Variants in SP110 observed in about 807,000 individuals in gnomAD.
The protein encoded by SP110 is interferon-induced protein 41, 30kD.
In SP110, 62 loss-of-function variants were observed where a neutral mutation model predicts 92.7. The ratio of observed to expected loss-of-function variants is 0.67; its 90% CI spans 0.55 to 0.83. SP110 has a LOEUF of 0.83. Ranked by LOEUF, SP110 falls within the 40% of genes least tolerant of loss-of-function variation. The pLI, the probability that SP110 is intolerant of heterozygous loss-of-function variation, is 0.00. For synonymous variants in SP110, 273 were observed against 305.3 expected (o/e 0.89, Z 1.10); for missense variants, 793 against 863.9 (o/e 0.92, Z 1.03).
At chr2:230,209,840 T>C (rs2044274983) in intron 7 of SP110, 91 bp downstream of exon 7, 2 of 812,002 alleles carry the variant, frequency 2.5e-6, no homozygotes, top group Non-Finnish European at 4.4e-6. Context: ...TGTGGTCACA[T>C]AGTGGTGCTC....
rs868703292 is a variant in SP110 at position 230,213,085 on chromosome 2, A to G, written c.317-58T>C. The G allele has an allele frequency of 4.4e-6, 7 of 1,575,348 alleles. No individual in the cohort carries two copies. In the Middle Eastern group the frequency reaches 1.2e-3, roughly 271 times the overall value. ...CTGGAGACTCAGAATTACTTGGGGA[A>G]GGGGATTTCTTAATACATGCCTTCC... On this transcript the variant is annotated intron_variant, in intron 3 of 18. Transcript: ENST00000258381.
intron 3 of SP110, 135 bp from the exon 4 acceptor site, chr2:230,213,162 A>T: frequency 1.2e-6 from 1 of 820,168 alleles, no homozygotes; most frequent in Admixed American, 2.0e-5. Flanking sequence ...CAGAGAACTG[A>T]TTCATTGTCA....
rs201656838 is a variant in SP110, at chr2:230,170,734, C to G, written c.1915G>C (p.Glu639Gln). 27 of 1,614,134 alleles carry G rather than the reference C, an allele frequency of 1.7e-5. No individual in the cohort carries two copies. The highest frequency in any genetic ancestry group is 2.2e-5 in the Non-Finnish European group (26 of 1,180,028). The change falls in exon 18 of 19, where the codon GAA (glutamate) becomes CAA (glutamine). Residue 639 changes from glutamate (E) to glutamine (Q), a missense_variant. By Grantham distance (29) the Glu-to-Gln change is conservative (BLOSUM62 2). Coordinates refer to ENST00000258381, the MANE Select transcript of SP110 (RefSeq NM_080424.4). ...TTAACCAGGTCCAACCACATTGCTT[C>G]CTGAAAGGGCTCACCGTAATCTCGA... Reference protein sequence around the residue: ...NIRDYGEPFQEAMWLDLVKER... With the variant: ...NIRDYGEPFQQAMWLDLVKER...
In SP110 at chr2:230,211,413, C is replaced by T; in HGVS notation, c.751+57G>A. 1 of 1,109,038 alleles carries T rather than the reference C, an allele frequency of 9.0e-7. No individual in the cohort carries two copies. Among genetic ancestry groups the T allele is most frequent in the Non-Finnish European group, 1.4e-6 (1 of 719,078 alleles). 68.7% of individuals were successfully genotyped at this position (1,109,038 alleles called of 1,614,324 possible). A position where few individuals can be genotyped will look rare whatever the true frequency, so the allele number is the denominator to read the frequency against. On this transcript the variant is annotated intron_variant, in intron 6 of 18. Transcript: ENST00000258381. The surrounding 1 kb of genome is among the most constrained non-coding windows in gnomAD (Gnocchi z 4.2). Reference sequence around the variant, plus strand: ...TCTCTAGAAGATCCGAATGGCTTTTCCTCTTAGTAAACACAGAAACAAAGG... The same window carrying T: ...TCTCTAGAAGATCCGAATGGCTTTTTCTCTTAGTAAACACAGAAACAAAGG...
chr2:230,180,089 G>A (rs985812009), intron 12 of SP110, among the ~76,000 whole-genome samples: 13 of 152,276 alleles, frequency 8.5e-5, no homozygotes, highest in Admixed American at 3.3e-4. Context: ...ACGGCAGCTG[G>A]CTTGTTTGAA....
At chr2:230,179,176 C>G (rs184551018) in intron 12 of SP110, among the ~76,000 whole-genome samples, 174 of 152,284 alleles carry the variant, frequency 1.1e-3, no homozygotes, top group African/African-American at 3.7e-3. Flanking sequence ...GGCGAAGAAG[C>G]CATTCATTTC....
At chr2:230,198,227 G>A (rs1226321598) in intron 10 of SP110, among the ~76,000 whole-genome samples, 2 of 152,206 alleles carry the variant, frequency 1.3e-5, no homozygotes, top group African/African-American at 2.4e-5. Context: ...CCACAGGCGG[G>A]AAAAGAATGT....
At chr2:230,187,335 CT>C (rs1483987627) in intron 10 of SP110, among the ~76,000 whole-genome samples, 1 of 151,988 alleles carries the variant, frequency 6.6e-6, no homozygotes, top group African/African-American at 2.4e-5. Context: ...CATTTGCCCA[CT>C]TTTTGTGGGA....
In SP110 at chr2:230,168,714, TG is replaced by T. The variant is rs2078352486; in HGVS notation, c.*409del. On this transcript the variant is annotated 3_prime_UTR_variant, in exon 19 of 19. Coordinates refer to ENST00000258381, the MANE Select transcript of SP110 (RefSeq NM_080424.4). The stretch of plus-strand genomic sequence containing the variant: ...CCAGAAAATTCCAGATTGCAAAAAA[TG>T]TAATAGGACCAAAACCCTGAGTTCT... 6.1e-6 allele frequency: 1 copy of T among 163,132 alleles called. No individual in the cohort carries two copies. Among genetic ancestry groups the T allele is most frequent in the African/African-American group, 2.4e-5 (1 of 41,392 alleles). The allele number at this position is 163,132 out of a possible 1,614,324, so 10.1% of individuals were successfully genotyped here.
intron 10 of SP110, among the ~76,000 whole-genome samples, chr2:230,190,345 ATTT>A (rs55747411): frequency 0.12 from 18,104 of 151,268 alleles, 1,365 homozygotes; most frequent in East Asian, 0.18. Context: ...GGCTACGTAA[ATTT>A]TTTTTTTTTT....
intron 12 of SP110, 21 bp downstream of exon 12, chr2:230,183,551 C>T (rs373568356): frequency 7.6e-6 from 12 of 1,569,024 alleles, no homozygotes; most frequent in East Asian, 2.2e-5. Flanking sequence ...AGTGGGGAGG[C>T]GCTGTGGCTT....
intron 14 of SP110, among the ~76,000 whole-genome samples, chr2:230,174,525 AT>A (rs2041762162): frequency 1.3e-5 from 2 of 152,112 alleles, no homozygotes; most frequent in Non-Finnish European, 1.5e-5. Flanking sequence ...ACCACCCATG[AT>A]GGCCATGGGC....
At chr2:230,223,017 A>G (rs1473658921), upstream of SP110, among the ~76,000 whole-genome samples, 1 of 150,112 alleles carries the variant, frequency 6.7e-6, no homozygotes, top group South Asian at 2.1e-4. Context: ...TCTGATCAGC[A>G]TGATGTCATC....
rs3948463 is a variant in SP110, at chr2:230,172,144, C to T, written c.1737G>A (p.Met579Ile). 108,683 of 1,611,874 alleles carry T rather than the reference C, an allele frequency of 0.067. 4,258 individuals carry two copies. The highest frequency in any genetic ancestry group is 0.086 in the Middle Eastern group (523 of 6,054). The change falls in exon 16 of 19, where the codon ATG becomes ATA. Residue 579 changes from methionine to isoleucine, a missense_variant. By Grantham distance (10) the Met-to-Ile change is conservative. Coordinates refer to ENST00000258381, the MANE Select transcript of SP110 (RefSeq NM_080424.4). ...ACTGTTGGCTTCCTGAAGACCTCTTCATCCTGCAGAAGGTGCAACTCCACA... is the reference window on the plus strand; with the variant it reads ...ACTGTTGGCTTCCTGAAGACCTCTTTATCCTGCAGAAGGTGCAACTCCACA... Reference protein sequence around the residue: ...RMLWSCTFCRMKRSSGSQQCH... With the variant: ...RMLWSCTFCRIKRSSGSQQCH...
intron 17 of SP110, 63 bp downstream of exon 17, chr2:230,171,631 GCC>G: frequency 8.1e-7 from 1 of 1,229,248 alleles, no homozygotes; most frequent in Non-Finnish European, 1.2e-6. Flanking sequence ...TGCAGCACCT[GCC>G]AGATCAGCCC....
intron 8 of SP110, among the ~76,000 whole-genome samples, chr2:230,203,955 C>A (rs1424743463): frequency 6.6e-6 from 1 of 152,020 alleles, no homozygotes; most frequent in African/African-American, 2.4e-5. Context: ...ATTTTAATAC[C>A]ATTGAGCTAT....
At position 230,165,530 on chromosome 2, in the gene SP110, A is replaced by C. The variant is rs185385701; in HGVS notation, c.*3594T>G. On this transcript the variant is annotated 3_prime_UTR_variant, in exon 19 of 19. Coordinates refer to ENST00000258381, the MANE Select transcript of SP110 (RefSeq NM_080424.4). Reference sequence around the variant, plus strand: ...CAAATAATTTACATAATGTGAAACTAACAAATAATGACATAATATAATTGA... The same window carrying C: ...CAAATAATTTACATAATGTGAAACTCACAAATAATGACATAATATAATTGA... Among the ~76,000 whole-genome samples, 42 of 152,392 alleles carry C rather than the reference A, an allele frequency of 2.8e-4. No individual in the cohort carries two copies. The highest frequency in any genetic ancestry group is 3.4e-3 in the Middle Eastern group (1 of 294).
intron 11 of SP110, among the ~76,000 whole-genome samples, chr2:230,185,525 G>A (rs953482627): frequency 6.6e-6 from 1 of 152,012 alleles, no homozygotes; most frequent in Non-Finnish European, 1.5e-5. Context: ...TGTAATGGGA[G>A]TATAAACAGA....
intron 10 of SP110, among the ~76,000 whole-genome samples, chr2:230,197,345 T>A (rs1411641234): frequency 2.6e-4 from 39 of 151,716 alleles, no homozygotes; most frequent in African/African-American, 9.0e-4. Context: ...TGTCTTCTTT[T>A]GAGAAGTGTC....
Sources: allele counts gnomAD v4.1 joint callset (sites outside exome capture counted in the v4.1 genomes callset), GRCh38; gene constraint gnomAD v4.1.1; non-coding constraint Gnocchi (gnomAD v3.1); transcripts MANE v1.5; gene names NCBI Gene and HGNC (gene_info 2026-07-23, HGNC 2026-07-21).